The following RBFOX1 variants were observed in gnomAD, a reference collection of about 807,000 sequenced individuals.
RBFOX1 encodes the protein RNA binding fox-1 homolog 1.
In RBFOX1, 8 loss-of-function variants were observed where a neutral mutation model predicts 57.7. That is an observed-to-expected ratio of 0.14 (90% CI 0.08 to 0.25). The LOEUF is 0.25. Ranked by LOEUF, RBFOX1 falls within the 10% of genes least tolerant of loss-of-function variation. The pLI is 1.00. For missense variants in RBFOX1, 611 were observed against 548.5 expected (o/e 1.11, Z -1.14); for synonymous variants, 326 against 222.4 (o/e 1.47, Z -4.15).
At chr16:5,321,081 C>T (rs1161086537) in intron 1 of RBFOX1, among the ~76,000 whole-genome samples, 1 of 152,178 alleles carries the variant, frequency 6.6e-6, no homozygotes, top group Non-Finnish European at 1.5e-5. Flanking sequence ...TGCATCCAAG[C>T]ACTGGAGACT....
At chr16:6,882,543 C>G (rs1191952239) in intron 3 of RBFOX1, among the ~76,000 whole-genome samples, 1 of 152,034 alleles carries the variant, frequency 6.6e-6, no homozygotes, top group Non-Finnish European at 1.5e-5. Flanking sequence ...TTGCAGTGAG[C>G]TGAGATCGCA....
intron 4 of RBFOX1, among the ~76,000 whole-genome samples, chr16:7,203,985 C>A (rs926782344): frequency 3.3e-5 from 5 of 152,154 alleles, no homozygotes; most frequent in African/African-American, 9.7e-5. Context: ...TCTCAAACAT[C>A]ACTTACGTTA....
At chr16:5,856,526 CAT>C (rs202183162) in intron 3 of RBFOX1, among the ~76,000 whole-genome samples, 14,934 of 85,152 alleles carry the variant, frequency 0.18, 2,748 homozygotes, top group East Asian at 0.29. Context: ...ATCTCTCATT[CAT>C]ATATGTGTAT....
At chr16:6,519,860 G>A (rs998063448) in intron 2 of RBFOX1, among the ~76,000 whole-genome samples, 1 of 152,164 alleles carries the variant, frequency 6.6e-6, no homozygotes, top group South Asian at 2.1e-4. Context: ...AAGATGAAAG[G>A]ACTTAACCAG....
At chr16:7,310,916 C>T (rs1428024405) in intron 4 of RBFOX1, among the ~76,000 whole-genome samples, 1 of 152,190 alleles carries the variant, frequency 6.6e-6, no homozygotes, top group African/African-American at 2.4e-5. Context: ...ATCTCTTTGC[C>T]ATCTTGTGAA....
intron 1 of RBFOX1, among the ~76,000 whole-genome samples, chr16:6,030,434 G>C (rs1475878686): frequency 6.6e-6 from 1 of 152,162 alleles, no homozygotes; most frequent in African/African-American, 2.4e-5. Flanking sequence ...GAATTTGATA[G>C]CATGGATTTT....
chr16:6,384,209 A>G (rs2092076248), intron 2 of RBFOX1, among the ~76,000 whole-genome samples: 1 of 152,106 alleles, frequency 6.6e-6, no homozygotes, highest in Admixed American at 6.5e-5. Flanking sequence ...TTTTTATGGA[A>G]CAGATTTCAA....
intron 4 of RBFOX1, among the ~76,000 whole-genome samples, chr16:7,486,008 C>T (rs1278832659): frequency 6.6e-6 from 1 of 152,028 alleles, no homozygotes; most frequent in African/African-American, 2.4e-5. Flanking sequence ...GAAAGTGTTT[C>T]CTGTCTGGCT....
At chr16:6,438,933 G>A (rs924612461) in intron 2 of RBFOX1, among the ~76,000 whole-genome samples, 1 of 152,184 alleles carries the variant, frequency 6.6e-6, no homozygotes, top group Non-Finnish European at 1.5e-5. Context: ...ATGGACAGTT[G>A]ATGATTTAGT....
At chr16:6,601,766 G>C (rs1398495942) in intron 2 of RBFOX1, among the ~76,000 whole-genome samples, 2 of 152,172 alleles carry the variant, frequency 1.3e-5, no homozygotes, top group South Asian at 2.1e-4. Flanking sequence ...AAAAGATATA[G>C]CTGAGTTTAA....
At chr16:7,439,288 G>C (rs984367776) in intron 4 of RBFOX1, among the ~76,000 whole-genome samples, 1 of 151,782 alleles carries the variant, frequency 6.6e-6, no homozygotes. Flanking sequence ...CAGTGACGGT[G>C]ATTTGAACCT....
chr16:6,931,997 G>C (rs983734668), intron 3 of RBFOX1, among the ~76,000 whole-genome samples: 1 of 152,180 alleles, frequency 6.6e-6, no homozygotes, highest in Admixed American at 6.5e-5. Flanking sequence ...ACCCACTCCA[G>C]TGAAAACTAA....
intron 4 of RBFOX1, among the ~76,000 whole-genome samples, chr16:7,381,041 A>T (rs1200571864): frequency 6.6e-6 from 1 of 152,176 alleles, no homozygotes; most frequent in Non-Finnish European, 1.5e-5. Flanking sequence ...TGTCTACATG[A>T]GTGTTTAATA....
At chr16:7,383,593 A>G (rs1209043682) in intron 4 of RBFOX1, among the ~76,000 whole-genome samples, 2 of 152,132 alleles carry the variant, frequency 1.3e-5, no homozygotes, top group Non-Finnish European at 2.9e-5. Context: ...CCCATTCTCC[A>G]TGTTGAAAAC....
chr16:6,311,313 A>AAAAAAT (rs2080278108), intron 1 of RBFOX1, among the ~76,000 whole-genome samples: 1 of 151,422 alleles, frequency 6.6e-6, no homozygotes, highest in Non-Finnish European at 1.5e-5. Flanking sequence ...AAAAAAAAAA[A>AAAAAAT]AAAGAATAAA....
At chr16:6,191,524 T>C (rs963219379) in intron 1 of RBFOX1, among the ~76,000 whole-genome samples, 2 of 152,164 alleles carry the variant, frequency 1.3e-5, no homozygotes, top group African/African-American at 4.8e-5. Context: ...GTATCTCAAA[T>C]GTTATGAGTA....
At chr16:6,442,087 C>A (rs1008239912) in intron 2 of RBFOX1, among the ~76,000 whole-genome samples, 4 of 152,168 alleles carry the variant, frequency 2.6e-5, no homozygotes, top group African/African-American at 9.6e-5. Context: ...TAACAACCTT[C>A]CCTCACAGGC....
At chr16:7,082,984 A>T (rs2059431014) in intron 4 of RBFOX1, among the ~76,000 whole-genome samples, 1 of 152,132 alleles carries the variant, frequency 6.6e-6, no homozygotes, top group Admixed American at 6.5e-5. Flanking sequence ...AATATGGAAA[A>T]AAATGGTTTT....
intron 3 of RBFOX1, among the ~76,000 whole-genome samples, chr16:6,976,106 G>A (rs1442583895): frequency 2.0e-5 from 3 of 151,234 alleles, no homozygotes; most frequent in South Asian, 2.1e-4. Flanking sequence ...CAGCCTGGGC[G>A]ACAGAGTGAG....
Sources: allele counts gnomAD v4.1 joint callset (sites outside exome capture counted in the v4.1 genomes callset), GRCh38; gene constraint gnomAD v4.1.1; transcripts MANE v1.5; gene names NCBI Gene and HGNC (gene_info 2026-07-23, HGNC 2026-07-21).